Variants in COL19A1 observed in about 807,000 individuals in gnomAD.
The protein encoded by COL19A1 is collagen type XIX alpha 1 chain.
In COL19A1, 159 loss-of-function variants were observed where a neutral mutation model predicts 190.2. The ratio of observed to expected loss-of-function variants is 0.84; its 90% CI spans 0.73 to 0.95. The LOEUF (loss-of-function observed/expected upper bound fraction) is 0.95. Ranked by LOEUF, COL19A1 falls within the 40% of genes least tolerant of loss-of-function variation. The pLI, the probability that COL19A1 is intolerant of heterozygous loss-of-function variation, is 0.00. For missense variants in COL19A1, 1,418 were observed against 1,431.9 expected (o/e 0.99, Z 0.16); for synonymous variants, 509 against 458.9 (o/e 1.11, Z -1.39).
chr6:70,071,901 C>T (rs1340380539), intron 15 of COL19A1, among the ~76,000 whole-genome samples: 2 of 151,952 alleles, frequency 1.3e-5, no homozygotes, highest in Non-Finnish European at 2.9e-5. Context: ...TGGAGGGATG[C>T]TGGATAAGAG....
chr6:70,032,787 G>C (rs1779144258), intron 12 of COL19A1, among the ~76,000 whole-genome samples: 1 of 151,588 alleles, frequency 6.6e-6, no homozygotes, highest in South Asian at 2.1e-4. Context: ...CTTCACACAA[G>C]GTATATAATA....
intron 11 of COL19A1, among the ~76,000 whole-genome samples, chr6:69,978,245 A>T (rs528777951): frequency 3.3e-5 from 5 of 152,312 alleles, no homozygotes; most frequent in Non-Finnish European, 7.4e-5. Flanking sequence ...ATACATATAC[A>T]TACATATATA....
At chr6:70,199,760 G>A in intron 49 of COL19A1, 24 bp downstream of exon 49, 3 of 1,574,214 alleles carry the variant, frequency 1.9e-6, no homozygotes, top group Non-Finnish European at 2.6e-6. Flanking sequence ...TGTAATATTG[G>A]CTTATTGATT....
At position 70,210,821 on chromosome 6, in the gene COL19A1, G is replaced by A. The variant is rs1420310788; in HGVS notation, c.*3547G>A. On this transcript the variant is annotated 3_prime_UTR_variant, in exon 51 of 51. Coordinates refer to ENST00000620364, the MANE Select transcript of COL19A1 (RefSeq NM_001858.6). ...TAGATAATTTTTGTTAATTTGTTTTGTTAATTTATGTTTTTCCTAATTTTA... is the reference window on the plus strand; with the variant it reads ...TAGATAATTTTTGTTAATTTGTTTTATTAATTTATGTTTTTCCTAATTTTA... Among the ~76,000 whole-genome samples, 1 of 151,886 alleles carries A rather than the reference G, an allele frequency of 6.6e-6. No homozygotes were observed. Among genetic ancestry groups the A allele is most frequent in the Non-Finnish European group, 1.5e-5 (1 of 67,914 alleles).
chr6:69,890,718 T>A (rs1341483496), intron 2 of COL19A1: 1 of 152,256 alleles, frequency 6.6e-6, no homozygotes, highest in Middle Eastern at 3.2e-3. Context: ...ATCCTGTATT[T>A]TATTAGCTAT....
intron 11 of COL19A1, among the ~76,000 whole-genome samples, chr6:70,021,906 G>A (rs1425834955): frequency 6.6e-6 from 1 of 152,124 alleles, no homozygotes; most frequent in African/African-American, 2.4e-5. Context: ...AAAATCCTCA[G>A]CTTTATTTTA....
chr6:70,130,650 T>C (rs1459041288), intron 18 of COL19A1, among the ~76,000 whole-genome samples: 1 of 152,214 alleles, frequency 6.6e-6, no homozygotes, highest in Admixed American at 6.5e-5. Context: ...CAGCCTGCAG[T>C]GGGCAGGGGC....
chr6:70,114,809 A>G (rs1253505574), intron 16 of COL19A1, among the ~76,000 whole-genome samples: 1 of 152,200 alleles, frequency 6.6e-6, no homozygotes, highest in Non-Finnish European at 1.5e-5. Context: ...ATACATATTC[A>G]TCATCTGGAA....
rs1766403918 is a variant in COL19A1, at chr6:70,184,803, T to G, written c.2811+65T>G. 5.6e-6 allele frequency: 9 copies of G among 1,605,660 alleles called. No individual in the cohort carries two copies. In the Admixed American group the frequency reaches 8.5e-5, roughly 15 times the overall value. Reference sequence around the variant, plus strand: ...ACTGCATCCAGAATACCTACCAACATTTACATCAATCAGACTGATGAAAAA... The same window carrying G: ...ACTGCATCCAGAATACCTACCAACAGTTACATCAATCAGACTGATGAAAAA... On this transcript the variant is annotated intron_variant, in intron 45 of 50. Transcript: ENST00000620364.
chr6:70,207,187 G>A lies in COL19A1; in HGVS notation c.3342G>A (p.Gln1114=), dbSNP rs1227141096. Residue 1114 remains glutamine, a synonymous_variant, in exon 51 of 51, where the codon CAG becomes CAA. Transcript: ENST00000620364. ...LPGSPGAPGP[Q]GPPGPSGRCN... is the part of the protein sequence containing the mutation. ...GCTCACCAGGTGCCCCAGGCCCACAGGGCCCCCCAGGACCCAGTGGAAGAT... is the reference window on the plus strand; with the variant it reads ...GCTCACCAGGTGCCCCAGGCCCACAAGGCCCCCCAGGACCCAGTGGAAGAT... The A allele has an allele frequency of 2.5e-6, 4 of 1,613,316 alleles. No homozygotes were observed. The highest frequency in any genetic ancestry group is 3.4e-6 in the Non-Finnish European group (4 of 1,179,402).
chr6:70,168,253 G>T (rs777420798), intron 39 of COL19A1, 38 bp downstream of exon 39: 4 of 1,597,166 alleles, frequency 2.5e-6, no homozygotes, highest in East Asian at 2.2e-5. Context: ...CACTTTAGCT[G>T]AACAACCACA....
rs1157856484 is a variant in COL19A1, at chr6:70,180,514, A to G, written c.2766A>G (p.Ser922=). The change falls in exon 44 of 51, where the codon TCA becomes TCG. Residue 922 remains serine, a synonymous_variant. Coordinates refer to ENST00000620364, the MANE Select transcript of COL19A1 (RefSeq NM_001858.6). ...DIGFPGPEGP[S]GKPGINGKDG... ...GTTTCCCTGGACCAGAAGGACCCTCAGGAAAGCCAGTAAGTACTTCTTACT... is the reference window on the plus strand; with the variant it reads ...GTTTCCCTGGACCAGAAGGACCCTCGGGAAAGCCAGTAAGTACTTCTTACT... 1 of 1,614,050 alleles carries G rather than the reference A, an allele frequency of 6.2e-7. No individual in the cohort carries two copies. The highest frequency in any genetic ancestry group is 8.5e-7 in the Non-Finnish European group (1 of 1,180,022).
intron 18 of COL19A1, among the ~76,000 whole-genome samples, chr6:70,132,709 AG>A (rs1464124369): frequency 1.3e-5 from 2 of 152,140 alleles, no homozygotes; most frequent in African/African-American, 4.8e-5. Context: ...GATTTAGGGT[AG>A]GGGTCTTATC....
chr6:69,886,147 A>C (rs1768916342), intron 2 of COL19A1, among the ~76,000 whole-genome samples: 1 of 152,262 alleles, frequency 6.6e-6, no homozygotes. Context: ...AAAACAAATA[A>C]TCTGATTTAA....
intron 48 of COL19A1, 38 bp from the exon 49 acceptor site, chr6:70,199,570 T>A: frequency 7.4e-7 from 1 of 1,345,654 alleles, no homozygotes; most frequent in Non-Finnish European, 9.7e-7. Flanking sequence ...AAAATATTTC[T>A]GTTCTATGAT....
intron 17 of COL19A1, among the ~76,000 whole-genome samples, chr6:70,122,709 C>A (rs1784953563): frequency 6.6e-6 from 1 of 152,124 alleles, no homozygotes; most frequent in Admixed American, 6.5e-5. Context: ...TCTTTCTTTT[C>A]CATGTTCTTA....
intron 11 of COL19A1, among the ~76,000 whole-genome samples, chr6:69,994,072 T>C (rs530766137): frequency 6.6e-6 from 1 of 152,220 alleles, no homozygotes; most frequent in African/African-American, 2.4e-5. Flanking sequence ...TTTTTCTAGC[T>C]TTATTATGTG....
intron 11 of COL19A1, among the ~76,000 whole-genome samples, chr6:70,006,658 A>G (rs975884110): frequency 6.6e-6 from 1 of 152,176 alleles, no homozygotes; most frequent in African/African-American, 2.4e-5. Flanking sequence ...GTCATGTCAT[A>G]TATTTGCGTT....
intron 15 of COL19A1, among the ~76,000 whole-genome samples, chr6:70,070,973 G>T (rs1029801541): frequency 6.6e-6 from 1 of 152,052 alleles, no homozygotes; most frequent in East Asian, 1.9e-4. Flanking sequence ...TATCATTAAG[G>T]CTATTTAAAT....
Sources: allele counts gnomAD v4.1 joint callset (sites outside exome capture counted in the v4.1 genomes callset), GRCh38; gene constraint gnomAD v4.1.1; transcripts MANE v1.5; gene names NCBI Gene and HGNC (gene_info 2026-07-23, HGNC 2026-07-21).